Variants in CPNE4 observed in about 807,000 individuals in gnomAD.
CPNE4 encodes copine 4.
In CPNE4, 25 loss-of-function variants were observed where a neutral mutation model predicts 67.9. That is an observed-to-expected ratio of 0.37 (90% CI 0.27 to 0.51). The LOEUF (loss-of-function observed/expected upper bound fraction) is 0.51. Among genes scored for constraint, CPNE4 ranks in the 20% least tolerant of loss-of-function variants. The pLI is 0.93. For missense variants in CPNE4, 464 were observed against 690.8 expected, an observed-to-expected ratio of 0.67 and a Z score of 3.68; for synonymous variants, 242 against 244.9, an observed-to-expected ratio of 0.99 and a Z score of 0.11.
chr3:131,651,104 A>G (rs2079806420), intron 7 of CPNE4, among the ~76,000 whole-genome samples: 1 of 152,220 alleles, frequency 6.6e-6, no homozygotes, highest in Non-Finnish European at 1.5e-5. Flanking sequence ...AGTTTATAAA[A>G]TGTAGGCAGA....
chr3:131,861,918 G>C (rs1426639068), intron 2 of CPNE4, among the ~76,000 whole-genome samples: 1 of 152,118 alleles, frequency 6.6e-6, no homozygotes, highest in South Asian at 2.1e-4. Context: ...CAGTTTCCTA[G>C]AATAGTAAAA....
chr3:131,651,268 A>G (rs1180529671), intron 7 of CPNE4, among the ~76,000 whole-genome samples: 4 of 152,112 alleles, frequency 2.6e-5, no homozygotes, highest in Admixed American at 6.6e-5. Context: ...GGGCTCTCTG[A>G]GCTTTTATTA....
chr3:132,014,736 G>T (rs2073852449), intron 1 of CPNE4, among the ~76,000 whole-genome samples: 1 of 151,932 alleles, frequency 6.6e-6, no homozygotes, highest in Non-Finnish European at 1.5e-5. Context: ...TGTGTTCTTG[G>T]CTTCTGTCAT....
At chr3:131,562,675 G>A (rs1266351936) in intron 11 of CPNE4, among the ~76,000 whole-genome samples, 1 of 151,944 alleles carries the variant, frequency 6.6e-6, no homozygotes, top group Non-Finnish European at 1.5e-5. Context: ...GACGTTTGGA[G>A]AAGTTTCCAA....
intron 1 of CPNE4, among the ~76,000 whole-genome samples, chr3:131,979,363 C>T (rs2072843985): frequency 6.6e-6 from 1 of 152,134 alleles, no homozygotes; most frequent in South Asian, 2.1e-4. Context: ...AATGTGGGTG[C>T]TCCAGTGTTA....
chr3:131,984,866 A>G (rs2073004165), intron 1 of CPNE4, among the ~76,000 whole-genome samples: 1 of 152,126 alleles, frequency 6.6e-6, no homozygotes, highest in Non-Finnish European at 1.5e-5. Context: ...TTAAGCTCCA[A>G]TTACTCACAA....
intron 3 of CPNE4, among the ~76,000 whole-genome samples, chr3:131,704,861 C>T (rs1042894547): frequency 1.3e-5 from 2 of 150,808 alleles, no homozygotes; most frequent in African/African-American, 4.9e-5. Context: ...ATTGTGTATC[C>T]CATATTGAAG....
At chr3:131,826,924 C>A (rs769699481) in intron 2 of CPNE4, among the ~76,000 whole-genome samples, 1 of 152,032 alleles carries the variant, frequency 6.6e-6, no homozygotes, top group Non-Finnish European at 1.5e-5. Flanking sequence ...GTACTGCTAG[C>A]CACTTGGGAG....
intron 1 of CPNE4, among the ~76,000 whole-genome samples, chr3:132,030,064 T>G (rs1275327480): frequency 6.7e-6 from 1 of 150,322 alleles, no homozygotes; most frequent in Non-Finnish European, 1.5e-5. Context: ...GAGACAGCAA[T>G]GTAATAAGTC....
chr3:131,582,518 G>A (rs1003929567), intron 8 of CPNE4, among the ~76,000 whole-genome samples: 6 of 152,182 alleles, frequency 3.9e-5, no homozygotes, highest in African/African-American at 1.4e-4. Context: ...GTCTGAAAAT[G>A]AAGTAGTTTC....
chr3:131,789,162 T>G (rs927031117), intron 2 of CPNE4, among the ~76,000 whole-genome samples: 1 of 152,026 alleles, frequency 6.6e-6, no homozygotes, highest in African/African-American at 2.4e-5. Flanking sequence ...TCCTTTCACT[T>G]TCCTCAGTCA....
intron 3 of CPNE4, among the ~76,000 whole-genome samples, chr3:131,713,245 T>C (rs984848563): frequency 3.9e-5 from 6 of 152,168 alleles, no homozygotes; most frequent in African/African-American, 1.2e-4. Context: ...AATGTGAGTG[T>C]ATATGGAAAA....
intron 1 of CPNE4, among the ~76,000 whole-genome samples, chr3:131,943,946 C>T (rs1299296610): frequency 2.0e-5 from 3 of 152,132 alleles, no homozygotes; most frequent in Non-Finnish European, 4.4e-5. Context: ...CACACACATA[C>T]CCCATACCAT....
At chr3:131,905,707 T>A (rs2088723254) in intron 1 of CPNE4, among the ~76,000 whole-genome samples, 1 of 152,122 alleles carries the variant, frequency 6.6e-6, no homozygotes, top group African/African-American at 2.4e-5. Context: ...ATAGTAAAAT[T>A]TTTAGCCTGT....
chr3:131,974,745 C>A (rs111551602), intron 1 of CPNE4, among the ~76,000 whole-genome samples: 3,554 of 152,216 alleles, frequency 0.023, 137 homozygotes, highest in African/African-American at 0.08. Flanking sequence ...CAGTGGCTCA[C>A]GTATGTAATC....
chr3:131,954,044 C>A (rs2613983), intron 1 of CPNE4, among the ~76,000 whole-genome samples: 12,077 of 152,058 alleles, frequency 0.079, 621 homozygotes, highest in Admixed American at 0.16. Context: ...ATAAGAAAGA[C>A]AGCAGCTAAC....
At chr3:132,021,341 A>G (rs909035596) in intron 1 of CPNE4, among the ~76,000 whole-genome samples, 1 of 152,206 alleles carries the variant, frequency 6.6e-6, no homozygotes, top group African/African-American at 2.4e-5. Flanking sequence ...ACAAAGTTCT[A>G]CTACTTAGCT....
chr3:131,994,667 G>A (rs994466074), intron 1 of CPNE4, among the ~76,000 whole-genome samples: 2 of 152,078 alleles, frequency 1.3e-5, no homozygotes, highest in Non-Finnish European at 2.9e-5. Context: ...CATCTCTAAG[G>A]TCTGAATACA....
intron 2 of CPNE4, among the ~76,000 whole-genome samples, chr3:131,739,444 C>A (rs2082310775): frequency 6.6e-6 from 1 of 152,204 alleles, no homozygotes; most frequent in African/African-American, 2.4e-5. Context: ...CCCCCTGTGG[C>A]TGTGCTTCCT....
Sources: gnomAD v4.1 joint callset for allele counts (sites outside exome capture counted in the v4.1 genomes callset) on GRCh38, gnomAD v4.1.1 for gene constraint, MANE v1.5 for transcripts, NCBI Gene and HGNC (gene_info 2026-07-23, HGNC 2026-07-21) for gene names.